RNF213: variants seen among roughly 807,000 people sequenced by gnomAD.
RNF213 encodes ring finger protein 213.
RNF213 carries 341 observed loss-of-function variants against 514.4 expected under a neutral mutation model. The observed-to-expected ratio is 0.66, with a 90% CI of 0.61 to 0.73. RNF213 has a LOEUF of 0.73. RNF213 is among the 30% of genes least tolerant of loss of function. The probability of loss-of-function intolerance (pLI) is 0.00; values close to 1 mark genes in which losing one functional copy is unlikely to be tolerated. For missense variants in RNF213, 5,767 were observed against 6,615.6 expected (o/e 0.87, Z 4.45); for synonymous variants, 2,655 against 2,658.2 (o/e 1.00, Z 0.04).
In RNF213 at chr17:80,272,928, C is replaced by G. The variant is rs571839273; in HGVS notation, c.98-313C>G. Among the ~76,000 whole-genome samples, 329 of 152,158 alleles carry G rather than the reference C, an allele frequency of 2.2e-3. 1 individual carries two copies. The highest frequency in any genetic ancestry group is 3.4e-3 in the Non-Finnish European group (232 of 67,990). ...TAACAGGCTCTGTTTTAGAGGTGCC[C>G]GAGGTGCGCTGACATCCTAGTACAG... is the stretch of plus-strand genomic sequence containing the variant. On this transcript the variant is annotated intron_variant, in intron 2 of 67. Coordinates refer to ENST00000582970, the MANE Select transcript of RNF213 (RefSeq NM_001256071.3).
At chr17:80,277,056 A>G (rs1358523962) in intron 3 of RNF213, among the ~76,000 whole-genome samples, 2 of 152,022 alleles carry the variant, frequency 1.3e-5, no homozygotes, top group Non-Finnish European at 2.9e-5. Context: ...ACTCACTCTC[A>G]AAACAAAGCA....
chr17:80,310,787 G>T (rs1460997590), intron 14 of RNF213, among the ~76,000 whole-genome samples: 4 of 151,434 alleles, frequency 2.6e-5, no homozygotes, highest in Admixed American at 6.6e-5. Flanking sequence ...CCTGACCTCA[G>T]GTGATTCGCC....
intron 10 of RNF213, among the ~76,000 whole-genome samples, chr17:80,296,250 C>A (rs1420459278): frequency 1.3e-5 from 2 of 152,158 alleles, no homozygotes; most frequent in Non-Finnish European, 2.9e-5. Context: ...GAACTCCTGA[C>A]CTCAAGTGAT....
intron 41 of RNF213, 91 bp downstream of exon 41, chr17:80,363,881 C>T: frequency 7.7e-7 from 1 of 1,290,730 alleles, no homozygotes; most frequent in Non-Finnish European, 1.1e-6. Context: ...AGAAGACGGG[C>T]AGGTGCTCCT....
At chr17:80,379,751 A>T in intron 55 of RNF213, 37 bp downstream of exon 55, 3 of 1,573,624 alleles carry the variant, frequency 1.9e-6, no homozygotes, top group Non-Finnish European at 2.6e-6. Flanking sequence ...AAGTACTCAA[A>T]CTTTGGGGTG....
intron 11 of RNF213, among the ~76,000 whole-genome samples, chr17:80,300,206 T>A (rs897154031): frequency 1.3e-5 from 2 of 152,152 alleles, no homozygotes; most frequent in Non-Finnish European, 1.5e-5. Flanking sequence ...CTCACCAGCA[T>A]CTGTTATTTT....
At chr17:80,374,621 C>T (rs771831019) in intron 50 of RNF213, 32 bp downstream of exon 50, 3 of 1,612,794 alleles carry the variant, frequency 1.9e-6, no homozygotes, top group African/African-American at 2.7e-5. Context: ...TCTCTGATAC[C>T]AGGTGGCATC....
At chr17:80,283,229 T>C (rs1383248230) in intron 3 of RNF213, among the ~76,000 whole-genome samples, 1 of 151,984 alleles carries the variant, frequency 6.6e-6, no homozygotes, top group Non-Finnish European at 1.5e-5. Flanking sequence ...ACTCGGCCAG[T>C]CCTCACCGAG....
At position 80,319,326 on chromosome 17, in the gene RNF213, C is replaced by A. The variant is rs371695657; in HGVS notation, c.3024+14C>A. 4 of 1,614,086 alleles carry A rather than the reference C, an allele frequency of 2.5e-6. No homozygotes were observed. Among genetic ancestry groups the A allele is most frequent in the Non-Finnish European group, 3.4e-6 (4 of 1,180,046 alleles). On this transcript the variant is annotated intron_variant, in intron 17 of 67. Transcript: ENST00000582970. The stretch of plus-strand genomic sequence containing the variant: ...TCAGCCTGCCAGGTGAACAATCTCT[C>A]CTCCTGGGAAACGGATTCGGGCTCA...
intron 56 of RNF213, 196 bp downstream of exon 56, chr17:80,381,183 G>T: frequency 1.5e-6 from 1 of 657,266 alleles, no homozygotes; most frequent in Non-Finnish European, 2.7e-6. Flanking sequence ...CTACTCCCCA[G>T]ATTATACAGA....
Position 80,288,075 on chromosome 17 carries a change from G to A in RNF213, c.522G>A (p.Leu174=). 6.2e-7 allele frequency: 1 copy of A among 1,608,424 alleles called. No individual in the cohort carries two copies. Among genetic ancestry groups the A allele is most frequent in the Non-Finnish European group, 8.5e-7 (1 of 1,176,630 alleles). Reference sequence around the variant, plus strand: ...CCACCGAGGTTGGCGACAGCCCCCTGCAGGCCCAGGCTTTGGGAGAGGCAG... The same window carrying A: ...CCACCGAGGTTGGCGACAGCCCCCTACAGGCCCAGGCTTTGGGAGAGGCAG... The part of the protein sequence containing the change: ...SAPTEVGDSP[L]QAQALGEAGV... Residue 174 remains leucine, a synonymous_variant, in exon 4 of 68, where the codon CTG becomes CTA. Transcript: ENST00000582970. The surrounding 1 kb of genome is among the most constrained non-coding windows in gnomAD (Gnocchi z 4.9).
Position 80,347,229 on chromosome 17 carries a change from C to G in RNF213, c.8894C>G (p.Ala2965Gly). The G allele has an allele frequency of 6.2e-7, 1 of 1,613,308 alleles. No individual in the cohort carries two copies. The stretch of plus-strand genomic sequence containing the variant: ...TACAGCCTCATCAAAATGGTCTTTG[C>G]TGCAGCAAAGGCTTCAAATAGAAAG... ...DYYSLIKMVF[A>G]AAKASNRKPS... is the part of the protein sequence containing the mutation. Residue 2965 changes from alanine to glycine, a missense_variant, in exon 29 of 68, where the codon GCT (alanine) becomes GGT (glycine). Around this residue, in one of 13 missense-constraint regions of RNF213, gnomAD observed 919 missense variants for 1,121.0 expected, o/e 0.82. Transcript: ENST00000582970. The surrounding 1 kb of genome is among the most constrained non-coding windows in gnomAD (Gnocchi z 7.2).
chr17:80,352,809 G>A (rs1224065790), intron 32 of RNF213, 131 bp from the exon 33 acceptor site: 55 of 1,422,038 alleles, frequency 3.9e-5, no homozygotes, highest in South Asian at 3.5e-4. Flanking sequence ...CCAGGGTTTC[G>A]GCTTCAGGGT....
At chr17:80,279,900 G>A (rs191495962) in intron 3 of RNF213, among the ~76,000 whole-genome samples, 2 of 152,350 alleles carry the variant, frequency 1.3e-5, no homozygotes, top group East Asian at 3.9e-4. Flanking sequence ...TTCATACCTT[G>A]AAGAGTGATG....
chr17:80,314,314 A>T (rs1195501355), intron 15 of RNF213, among the ~76,000 whole-genome samples: 1 of 47,890 alleles, frequency 2.1e-5, no homozygotes, highest in Non-Finnish European at 4.0e-5. Flanking sequence ...GTGATGGTGG[A>T]GGTAATGGAG....
intron 44 of RNF213, among the ~76,000 whole-genome samples, chr17:80,369,127 G>T (rs2079403177): frequency 6.6e-6 from 1 of 152,212 alleles, no homozygotes; most frequent in Admixed American, 6.5e-5. Flanking sequence ...AGCCAGGCAT[G>T]GTGGCTCACG....
At chr17:80,269,609 TATC>T (rs2043747245) in intron 2 of RNF213, among the ~76,000 whole-genome samples, 1 of 152,084 alleles carries the variant, frequency 6.6e-6, no homozygotes, top group African/African-American at 2.4e-5. Context: ...TCTGTTTATC[TATC>T]ATCTGTCTAT....
At chr17:80,383,579 T>C in intron 58 of RNF213, 98 bp from the exon 59 acceptor site, 1 of 1,282,288 alleles carries the variant, frequency 7.8e-7, no homozygotes. Flanking sequence ...ACAAACGCCC[T>C]AATATGCAGA....
chr17:80,387,972 T>C (rs4609905), intron 63 of RNF213, among the ~76,000 whole-genome samples: 63,986 of 141,016 alleles, frequency 0.45, 14,633 homozygotes, highest in Non-Finnish European at 0.55. Flanking sequence ...TTTTTTTTTT[T>C]TTTTTGAGAC....
Sources: allele counts gnomAD v4.1 joint callset (sites outside exome capture counted in the v4.1 genomes callset), GRCh38; gene constraint gnomAD v4.1.1; regional missense constraint gnomAD v4.1.1; non-coding constraint Gnocchi (gnomAD v3.1); transcripts MANE v1.5; gene names NCBI Gene and HGNC (gene_info 2026-07-23, HGNC 2026-07-21).